GNAO1: variants seen among roughly 807,000 people sequenced by gnomAD.
GNAO1 encodes G protein subunit alpha o1.
For missense variants in GNAO1, 166 were observed against 478.7 expected (o/e 0.35, Z 6.10); for synonymous variants, 164 against 180.7 (o/e 0.91, Z 0.74).
rs202189610 is a variant in GNAO1, at chr16:56,351,711, C to T, written c.877+174C>T. Among the ~76,000 whole-genome samples the T allele has an allele frequency of 1.3e-5, 2 of 152,166 alleles. No individual in the cohort carries two copies. The highest frequency in any genetic ancestry group is 3.9e-4 in the East Asian group (2 of 5,176). ...TGCTGTGCCACCAGGTTTGGGCTTC[C>T]CAGGACACAGCCCTCAGCGTGGTGG... On this transcript the variant is annotated intron_variant, in intron 7 of 8. Coordinates refer to ENST00000262493, the MANE Select transcript of GNAO1 (RefSeq NM_020988.3). The surrounding 1 kb of genome is among the most constrained non-coding windows in gnomAD (Gnocchi z 6.1).
chr16:56,205,942 A>G (rs1357476217), intron 2 of GNAO1, among the ~76,000 whole-genome samples: 1 of 152,182 alleles, frequency 6.6e-6, no homozygotes, highest in Non-Finnish European at 1.5e-5. Flanking sequence ...AGCAGATCCA[A>G]AGGCTGTGGC....
intron 2 of GNAO1, among the ~76,000 whole-genome samples, chr16:56,263,965 G>A (rs558844865): frequency 2.6e-5 from 4 of 152,352 alleles, no homozygotes; most frequent in Non-Finnish European, 5.9e-5. Flanking sequence ...GGTGGAAGCT[G>A]CCACAGTCAG....
intron 2 of GNAO1, among the ~76,000 whole-genome samples, chr16:56,247,636 A>G (rs1433957268): frequency 6.6e-6 from 1 of 152,124 alleles, no homozygotes; most frequent in Non-Finnish European, 1.5e-5. Context: ...GAATGGATTG[A>G]ACAGTCCTCC....
intron 3 of GNAO1, among the ~76,000 whole-genome samples, chr16:56,322,360 G>A (rs2037582728): frequency 6.6e-6 from 1 of 152,236 alleles, no homozygotes; most frequent in African/African-American, 2.4e-5. Flanking sequence ...GTAGCAGAAA[G>A]AATGGTGCTA....
intron 6 of GNAO1, among the ~76,000 whole-genome samples, chr16:56,342,532 G>A (rs983424445): frequency 1.3e-5 from 2 of 152,238 alleles, no homozygotes; most frequent in African/African-American, 4.8e-5. Flanking sequence ...CTCTCCCTGA[G>A]CCTACCTGAG....
At chr16:56,205,725 T>C (rs1004783738) in intron 2 of GNAO1, among the ~76,000 whole-genome samples, 1 of 152,210 alleles carries the variant, frequency 6.6e-6, no homozygotes, top group Non-Finnish European at 1.5e-5. Flanking sequence ...TTTCTAGGAA[T>C]AGATTCTTTA....
At chr16:56,208,455 G>GCA (rs2036352965) in intron 2 of GNAO1, among the ~76,000 whole-genome samples, 6 of 146,942 alleles carry the variant, frequency 4.1e-5, no homozygotes, top group African/African-American at 1.6e-4. Flanking sequence ...GTGTGCGCGC[G>GCA]CGCGCACGTG....
At chr16:56,309,182 G>C (rs970556271) in intron 3 of GNAO1, among the ~76,000 whole-genome samples, 4 of 152,112 alleles carry the variant, frequency 2.6e-5, no homozygotes, top group Non-Finnish European at 5.9e-5. Context: ...CTCCTTCCCA[G>C]CTCCCTTCTA....
At chr16:56,220,441 A>G (rs1291669752) in intron 2 of GNAO1, among the ~76,000 whole-genome samples, 2 of 152,236 alleles carry the variant, frequency 1.3e-5, no homozygotes, top group Non-Finnish European at 2.9e-5. Context: ...GCAAGCATTC[A>G]CAGCATTCTG....
intron 4 of GNAO1, among the ~76,000 whole-genome samples, chr16:56,330,911 G>A (rs1322814359): frequency 1.3e-5 from 2 of 152,158 alleles, no homozygotes; most frequent in East Asian, 3.8e-4. Context: ...ACTGTGGCTG[G>A]GCCTTCCGTG....
At chr16:56,280,890 A>C (rs552086751) in intron 3 of GNAO1, among the ~76,000 whole-genome samples, 4 of 152,180 alleles carry the variant, frequency 2.6e-5, no homozygotes, top group Non-Finnish European at 5.9e-5. Context: ...GGATTCAGAG[A>C]ACTGAAGCTC....
chr16:56,225,504 G>A (rs1471783998), intron 2 of GNAO1, among the ~76,000 whole-genome samples: 3 of 152,164 alleles, frequency 2.0e-5, no homozygotes, highest in Non-Finnish European at 2.9e-5. Context: ...AATTGTTTGG[G>A]CTCTAGCTAG....
At chr16:56,321,162 A>G (rs779073179) in intron 3 of GNAO1, among the ~76,000 whole-genome samples, 7 of 152,200 alleles carry the variant, frequency 4.6e-5, no homozygotes, top group Non-Finnish European at 8.8e-5. Flanking sequence ...GCCACACATT[A>G]GCCTTGGCCG....
chr16:56,257,513 G>A (rs1596824686), intron 2 of GNAO1, among the ~76,000 whole-genome samples: 4 of 152,156 alleles, frequency 2.6e-5, no homozygotes, highest in South Asian at 2.1e-4. Flanking sequence ...TTCCAGCTGT[G>A]TAGAGCCTTC....
At chr16:56,300,019 G>GTGTGTGTGTA (rs1372646927) in intron 3 of GNAO1, among the ~76,000 whole-genome samples, 1 of 131,806 alleles carries the variant, frequency 7.6e-6, no homozygotes, top group East Asian at 2.8e-4. Flanking sequence ...GTGTGTGTGT[G>GTGTGTGTGTA]TGTGTGTGTG....
At chr16:56,294,766 A>C (rs995836422) in intron 3 of GNAO1, among the ~76,000 whole-genome samples, 4 of 152,122 alleles carry the variant, frequency 2.6e-5, no homozygotes, top group Admixed American at 1.3e-4. Flanking sequence ...CTGCACACTC[A>C]CTGACATTTG....
At chr16:56,342,370 C>T (rs4784658) in intron 6 of GNAO1, among the ~76,000 whole-genome samples, 28,178 of 152,230 alleles carry the variant, frequency 0.19, 2,993 homozygotes, top group South Asian at 0.29. Flanking sequence ...CTTAGAGCTG[C>T]GGCTCTGAAC....
At chr16:56,309,754 C>T (rs1357817987) in intron 3 of GNAO1, among the ~76,000 whole-genome samples, 1 of 152,226 alleles carries the variant, frequency 6.6e-6, no homozygotes, top group South Asian at 2.1e-4. Context: ...CTGTGCGTGC[C>T]GCTCTGCTCC....
In GNAO1 at chr16:56,355,125, T is replaced by TACACACACAC. The variant is rs59437828; in HGVS notation, c.*28+65_*28+74dup. On this transcript the variant is annotated intron_variant, in intron 8 of 8. Coordinates refer to ENST00000262493, the MANE Select transcript of GNAO1 (RefSeq NM_020988.3). ...ACAGAACAGCTTGCGTGCGCGCGCA[T>TACACACACAC]ACACACACACACACACACACACACA... is the stretch of plus-strand genomic sequence containing the variant. The TACACACACAC allele has an allele frequency of 0.027, 14,783 of 555,530 alleles. 389 individuals are homozygous for TACACACACAC. The highest frequency in any genetic ancestry group is 0.09 in the African/African-American group (4,363 of 48,496). 34.4% of individuals were successfully genotyped at this position (555,530 alleles called of 1,614,324 possible).
Sources: allele counts gnomAD v4.1 joint callset (sites outside exome capture counted in the v4.1 genomes callset), GRCh38; gene constraint gnomAD v4.1.1; non-coding constraint Gnocchi (gnomAD v3.1); transcripts MANE v1.5; gene names NCBI Gene and HGNC (gene_info 2026-07-23, HGNC 2026-07-21).